The following FMN2 variants were observed in gnomAD, a reference collection of about 807,000 sequenced individuals.
FMN2 encodes the protein formin 2.
Under a neutral mutation model 142.3 loss-of-function variants are expected in FMN2, and 51 were observed. The observed-to-expected ratio is 0.36, with a 90% confidence interval of 0.29 to 0.45. The LOEUF (loss-of-function observed/expected upper bound fraction) is 0.45, where lower values mean the gene tolerates loss of function less well. Among genes scored for constraint, FMN2 ranks in the 20% least tolerant of loss-of-function variants. FMN2 has a pLI of 1.00. For missense variants in FMN2, 1,936 were observed against 2,122.8 expected (o/e 0.91, Z 1.73); for synonymous variants, 882 against 869.8 (o/e 1.01, Z -0.25).
chr1:240,314,591 GT>G (rs1670704336), intron 8 of FMN2, among the ~76,000 whole-genome samples: 1 of 151,036 alleles, frequency 6.6e-6, no homozygotes, highest in African/African-American at 2.4e-5. Flanking sequence ...CTTAATAAAT[GT>G]AAAAATTTTG....
At position 240,208,526 on chromosome 1, in the gene FMN2, T is replaced by C. The variant is rs1666542143; in HGVS notation, c.3714T>C (p.Leu1238=). 4 of 1,612,828 alleles carry C rather than the reference T, an allele frequency of 2.5e-6. No homozygotes were observed. The East Asian group carries it at 8.9e-5, about 36-fold the overall frequency. ...CAGGAATCCCACCGCCCCCTCTGCTTCCTGTATCAGGCCCTCCACTCCTCC... is the reference window on the plus strand; with the variant it reads ...CAGGAATCCCACCGCCCCCTCTGCTCCCTGTATCAGGCCCTCCACTCCTCC... ...PGTGIPPPPL[L]PVSGPPLLPQ... Residue 1238 remains leucine (L), a synonymous_variant, in exon 5 of 18, where the codon CTT becomes CTC. Coordinates refer to ENST00000319653, the MANE Select transcript of FMN2 (RefSeq NM_020066.5).
At chr1:240,447,546 G>C (rs1056881532) in intron 16 of FMN2, among the ~76,000 whole-genome samples, 3 of 152,238 alleles carry the variant, frequency 2.0e-5, no homozygotes, top group Non-Finnish European at 4.4e-5. Context: ...AGTAACAAGT[G>C]TTGCAGATGA....
At chr1:240,129,270 C>T (rs1024395826) in intron 2 of FMN2, among the ~76,000 whole-genome samples, 2 of 152,062 alleles carry the variant, frequency 1.3e-5, no homozygotes, top group African/African-American at 4.8e-5. Flanking sequence ...AAAGCCTTGC[C>T]ACATCTTTCA....
At chr1:240,260,965 A>G (rs1433472095) in intron 7 of FMN2, among the ~76,000 whole-genome samples, 11 of 152,178 alleles carry the variant, frequency 7.2e-5, no homozygotes. Flanking sequence ...TCATTCTCCT[A>G]CAGTGTCTTG....
intron 7 of FMN2, among the ~76,000 whole-genome samples, chr1:240,273,329 T>C (rs1400914735): frequency 6.6e-6 from 1 of 152,160 alleles, no homozygotes; most frequent in Non-Finnish European, 1.5e-5. Context: ...TTTATCTCCA[T>C]CTTCAGGATG....
At chr1:240,345,540 G>A (rs999434715) in intron 13 of FMN2, among the ~76,000 whole-genome samples, 6 of 152,120 alleles carry the variant, frequency 3.9e-5, no homozygotes, top group Admixed American at 6.5e-5. Flanking sequence ...GCCTGATCTC[G>A]ACTCACTGCA....
At chr1:240,409,392 C>T (rs536658541) in intron 15 of FMN2, among the ~76,000 whole-genome samples, 2 of 152,282 alleles carry the variant, frequency 1.3e-5, no homozygotes, top group Admixed American at 1.3e-4. Flanking sequence ...GATCCTCCCA[C>T]CTCAGCCTCC....
intron 16 of FMN2, chr1:240,471,983 G>C (rs903321652): frequency 1.2e-5 from 2 of 162,820 alleles, no homozygotes; most frequent in Non-Finnish European, 1.3e-5. Context: ...TCTAACTTAC[G>C]TCATGGTGCC....
intron 2 of FMN2, among the ~76,000 whole-genome samples, chr1:240,163,489 C>A (rs555999468): frequency 2.0e-5 from 3 of 152,268 alleles, no homozygotes; most frequent in African/African-American, 7.2e-5. Context: ...TGCTGTAAAT[C>A]ATTATCTGTT....
At chr1:240,223,298 G>A (rs1055488703) in intron 6 of FMN2, among the ~76,000 whole-genome samples, 4 of 152,142 alleles carry the variant, frequency 2.6e-5, no homozygotes, top group Non-Finnish European at 5.9e-5. Context: ...TTTGATTTAT[G>A]TATGTTGAAC....
chr1:240,173,380 T>G (rs186577505), intron 2 of FMN2, among the ~76,000 whole-genome samples: 6 of 152,164 alleles, frequency 3.9e-5, no homozygotes, highest in Non-Finnish European at 7.3e-5. Context: ...GACAAGCCAC[T>G]GTTTTGGATA....
At chr1:240,392,370 A>G (rs1201568310) in intron 14 of FMN2, 141 bp from the exon 15 acceptor site, 7 of 539,190 alleles carry the variant, frequency 1.3e-5, no homozygotes, top group Non-Finnish European at 2.2e-5. Flanking sequence ...TATGACATCC[A>G]TAGATTTGAA....
chr1:240,460,231 A>G (rs1353435685), intron 16 of FMN2, among the ~76,000 whole-genome samples: 1 of 152,254 alleles, frequency 6.6e-6, no homozygotes, highest in East Asian at 1.9e-4. Context: ...AAAGACATGC[A>G]TCCACTTCTC....
intron 2 of FMN2, among the ~76,000 whole-genome samples, chr1:240,132,944 A>G (rs568997092): frequency 1.3e-5 from 2 of 152,164 alleles, no homozygotes; most frequent in Non-Finnish European, 2.9e-5. Flanking sequence ...TTCCAGGGTT[A>G]TGTTGCCCTG....
chr1:240,327,319 C>T (rs1479934135), intron 8 of FMN2, among the ~76,000 whole-genome samples: 1 of 152,154 alleles, frequency 6.6e-6, no homozygotes, highest in Non-Finnish European at 1.5e-5. Context: ...AAAGAAACTT[C>T]TTTTGAGACA....
chr1:240,110,198 T>C (rs1423130482), intron 1 of FMN2, among the ~76,000 whole-genome samples: 1 of 152,144 alleles, frequency 6.6e-6, no homozygotes, highest in South Asian at 2.1e-4. Flanking sequence ...GAGTCAGAAG[T>C]AGAAGATCCC....
At position 240,418,159 on chromosome 1, in the gene FMN2, CTTTG is replaced by C. The variant is rs570816380; in HGVS notation, c.4911-19898_4911-19895del. The stretch of plus-strand genomic sequence containing the variant: ...TTATTTTGATATTCAATCTGATAGA[CTTTG>C]TTTAATAGTTGTTTTAAATTCTTTT... On this transcript the variant is annotated intron_variant, in intron 15 of 17. Coordinates refer to ENST00000319653, the MANE Select transcript of FMN2 (RefSeq NM_020066.5). 1.0e-4 allele frequency among the ~76,000 whole-genome samples: 15 copies of C among 149,826 alleles called. No individual in the cohort carries two copies. In the East Asian group the frequency reaches 1.9e-3, roughly 19 times the overall value.
At chr1:240,395,651 TAGAA>T (rs900833005) in intron 15 of FMN2, among the ~76,000 whole-genome samples, 3 of 152,098 alleles carry the variant, frequency 2.0e-5, no homozygotes, top group Non-Finnish European at 4.4e-5. Flanking sequence ...GTGGTAGAAA[TAGAA>T]AGAGAATTAG....
At chr1:240,463,357 A>G (rs1676509625) in intron 16 of FMN2, among the ~76,000 whole-genome samples, 1 of 152,206 alleles carries the variant, frequency 6.6e-6, no homozygotes, top group Admixed American at 6.5e-5. Flanking sequence ...GAAAAGATTC[A>G]GAGGTTTATC....
Sources: gnomAD v4.1 joint callset for allele counts (sites outside exome capture counted in the v4.1 genomes callset) on GRCh38, gnomAD v4.1.1 for gene constraint, MANE v1.5 for transcripts, NCBI Gene and HGNC (gene_info 2026-07-23, HGNC 2026-07-21) for gene names.